ZNF329: variants seen among roughly 807,000 people sequenced by gnomAD.
ZNF329 encodes the protein zinc finger protein 329.
A neutral mutation model predicts 26.6 loss-of-function variants in ZNF329; 15 were observed. The observed-to-expected ratio is 0.56, with a 90% CI of 0.38 to 0.87. The LOEUF is 0.87. Ranked by LOEUF, ZNF329 falls within the 40% of genes least tolerant of loss-of-function variation. The pLI, the probability that ZNF329 is intolerant of heterozygous loss-of-function variation, is 0.00. For missense variants in ZNF329, 651 were observed against 651.9 expected, an observed-to-expected ratio of 1.00 and a Z score of 0.02; for synonymous variants, 239 against 233.5, an observed-to-expected ratio of 1.02 and a Z score of -0.21.
At chr19:58,133,073 G>A (rs142021129) in intron 3 of ZNF329, among the ~76,000 whole-genome samples, 2,807 of 152,230 alleles carry the variant, frequency 0.018, 82 homozygotes, top group African/African-American at 0.063. Context: ...CAGCCTCCCA[G>A]AGTGCTGGGA....
Position 58,128,019 on chromosome 19 carries a change from G to A in ZNF329, c.1485C>T (p.Asn495=). ...CPECGKSFKQ[N]SHLAVHQRLH... ...GTCTCTGATGTACTGCCAGGTGAGA[G>A]TTCTGCTTGAAGGACTTCCCACATT... Residue 495 remains asparagine, a synonymous_variant, in exon 4 of 4, where the codon AAC becomes AAT. Transcript: ENST00000598312. 6.2e-7 allele frequency: 1 copy of A among 1,614,082 alleles called. No individual in the cohort carries two copies. Among genetic ancestry groups the A allele is most frequent in the South Asian group, 1.1e-5 (1 of 91,078 alleles).
chr19:58,150,948 C>T (rs2075442009), upstream of ZNF329, among the ~76,000 whole-genome samples: 1 of 152,282 alleles, frequency 6.6e-6, no homozygotes. Flanking sequence ...CTATGGTCTC[C>T]TCTGATTTTT....
rs1047498765 is a variant in ZNF329, at chr19:58,127,695, G to A, written c.*183C>T. 6 of 570,446 alleles carry A rather than the reference G, an allele frequency of 1.1e-5. No individual in the cohort carries two copies. The highest frequency in any genetic ancestry group is 1.8e-5 in the Non-Finnish European group (6 of 334,262). The allele number at this position is 570,446 out of a possible 1,614,324, so 35.3% of individuals were successfully genotyped here. On this transcript the variant is annotated 3_prime_UTR_variant, in exon 4 of 4. Coordinates refer to ENST00000598312, the MANE Select transcript of ZNF329 (RefSeq NM_024620.4). The stretch of plus-strand genomic sequence containing the variant: ...AAAGACTTTTCTGCCCTCATCCTAA[G>A]TTGTCTCTGGAGTTCCCCAATGAGC...
chr19:58,152,988 A>T (rs2075485090), upstream of ZNF329, among the ~76,000 whole-genome samples: 2 of 152,236 alleles, frequency 1.3e-5, no homozygotes, highest in South Asian at 4.1e-4. Flanking sequence ...GAGTAAAAGT[A>T]ATAATCTAGT....
chr19:58,151,642 TAG>T (rs974360588), upstream of ZNF329, among the ~76,000 whole-genome samples: 2 of 146,410 alleles, frequency 1.4e-5, no homozygotes, highest in African/African-American at 5.0e-5. Context: ...ATATACAAGA[TAG>T]ACAGTTCTCC....
chr19:58,136,987 A>G, intron 3 of ZNF329: 1 of 199,344 alleles, frequency 5.0e-6, no homozygotes, highest in South Asian at 1.1e-4. Flanking sequence ...TCAAAGTGAT[A>G]TGTACCTTAT....
intron 1 of ZNF329, among the ~76,000 whole-genome samples, chr19:58,147,830 C>A (rs1360764132): frequency 1.3e-5 from 2 of 149,918 alleles, no homozygotes; most frequent in African/African-American, 5.0e-5. Flanking sequence ...GGCGCCTCTG[C>A]CCAGCCGCCC....
chr19:58,131,599 G>C (rs527636618), intron 3 of ZNF329, among the ~76,000 whole-genome samples: 7 of 152,016 alleles, frequency 4.6e-5, no homozygotes, highest in Non-Finnish European at 8.8e-5. Flanking sequence ...CTTACAGAGA[G>C]AAAATAAGAT....
intron 1 of ZNF329, among the ~76,000 whole-genome samples, chr19:58,146,994 A>G (rs920081294): frequency 0.036 from 5,429 of 150,506 alleles, 340 homozygotes; most frequent in African/African-American, 0.13. Context: ...AGTGAGGAGC[A>G]TCTCTGCCTG....
At chr19:58,133,843 A>AC (rs879779147) in intron 3 of ZNF329, among the ~76,000 whole-genome samples, 4 of 152,004 alleles carry the variant, frequency 2.6e-5, no homozygotes, top group Non-Finnish European at 5.9e-5. Flanking sequence ...TTAAAAAAAA[A>AC]AAACTGATGA....
At position 58,147,727 on chromosome 19, in the gene ZNF329, G is replaced by A. The variant is rs947404602; in HGVS notation, c.-208+3025C>T. The stretch of plus-strand genomic sequence containing the variant: ...CCCGGCTGCCCCACTGGGAAGTGAG[G>A]AGACCCTCTGCCCGGCCAGCCGCCC... On this transcript the variant is annotated intron_variant, in intron 1 of 3. Transcript: ENST00000598312. Among the ~76,000 whole-genome samples the A allele has an allele frequency of 3.4e-5, 5 of 147,330 alleles. 1 individual carries two copies. Among genetic ancestry groups the A allele is most frequent in the South Asian group, 2.1e-4 (1 of 4,770 alleles).
Position 58,127,543 on chromosome 19 carries a change from AC to A in ZNF329, c.*334del, listed in dbSNP as rs2074828394. ...ACGTACAAGGTGGAAACTCCCTACT[AC>A]AGGGCTCTTCATTCCAATCATGTTC... On this transcript the variant is annotated 3_prime_UTR_variant, in exon 4 of 4. Transcript: ENST00000598312. 1 of 234,524 alleles carries A rather than the reference AC, an allele frequency of 4.3e-6. No homozygotes were observed. Among genetic ancestry groups the A allele is most frequent in the Non-Finnish European group, 8.2e-6 (1 of 121,500 alleles). 14.5% of individuals were successfully genotyped at this position (234,524 alleles called of 1,614,324 possible). A position where few individuals can be genotyped will look rare whatever the true frequency, so the allele number is the denominator to read the frequency against.
chr19:58,149,267 C>T (rs2075395493), intron 1 of ZNF329, among the ~76,000 whole-genome samples: 2 of 152,118 alleles, frequency 1.3e-5, no homozygotes, highest in Non-Finnish European at 2.9e-5. Context: ...TAAAAATGGG[C>T]GACCAGCAGT....
intron 3 of ZNF329, among the ~76,000 whole-genome samples, chr19:58,138,290 A>G (rs2075115353): frequency 6.6e-6 from 1 of 152,234 alleles, no homozygotes; most frequent in South Asian, 2.1e-4. Context: ...AAAATTCAAA[A>G]AGTACTTTAA....
chr19:58,143,113 C>T lies in ZNF329; in HGVS notation c.-122G>A, dbSNP rs1568670933. The T allele has an allele frequency of 6.6e-6, 1 of 152,252 alleles. No individual in the cohort carries two copies. Among genetic ancestry groups the T allele is most frequent in the Non-Finnish European group, 1.5e-5 (1 of 68,136 alleles). 9.4% of individuals were successfully genotyped at this position (152,252 alleles called of 1,614,324 possible). On this transcript the variant is annotated 5_prime_UTR_variant, in exon 2 of 4. Coordinates refer to ENST00000598312, the MANE Select transcript of ZNF329 (RefSeq NM_024620.4). ...GGCGTGATGGTGCATACCTGAAGTC[C>T]CAGCTACTTGGTAGCCCAGGAGCTC... is the stretch of plus-strand genomic sequence containing the variant.
Position 58,146,840 on chromosome 19 carries a change from G to C in ZNF329, c.-207-3642C>G, listed in dbSNP as rs1225969137. 4.0e-5 allele frequency among the ~76,000 whole-genome samples: 6 copies of C among 151,594 alleles called. No homozygotes were observed. The South Asian group carries it at 6.2e-4, about 16-fold the overall frequency. On this transcript the variant is annotated intron_variant, in intron 1 of 3. Transcript: ENST00000598312. ...GGTGCCGGGATTGCAGACGGAGTCTGGTTCACTCAGTGCTCAATGGTGCCC... is the reference window on the plus strand; with the variant it reads ...GGTGCCGGGATTGCAGACGGAGTCTCGTTCACTCAGTGCTCAATGGTGCCC...
At chr19:58,147,439 C>A (rs373337854) in intron 1 of ZNF329, among the ~76,000 whole-genome samples, 3 of 145,642 alleles carry the variant, frequency 2.1e-5, no homozygotes, top group Non-Finnish European at 3.0e-5. Flanking sequence ...GCCCCCCGCC[C>A]GGCCAGCCGC....
intron 3 of ZNF329, among the ~76,000 whole-genome samples, chr19:58,130,370 G>A (rs569780704): frequency 1.1e-4 from 16 of 151,632 alleles, no homozygotes; most frequent in Non-Finnish European, 2.1e-4. Context: ...CTGCATGGTT[G>A]TTATAAAAAC....
chr19:58,136,532 G>A (rs972893956), intron 3 of ZNF329, among the ~76,000 whole-genome samples: 3 of 151,840 alleles, frequency 2.0e-5, no homozygotes, highest in Non-Finnish European at 4.4e-5. Context: ...AAAGTTAGCT[G>A]GGTGTGGTGG....
Sources: gnomAD v4.1 joint callset for allele counts (sites outside exome capture counted in the v4.1 genomes callset) on GRCh38, gnomAD v4.1.1 for gene constraint, MANE v1.5 for transcripts, NCBI Gene and HGNC (gene_info 2026-07-23, HGNC 2026-07-21) for gene names.